The following FER1L6 variants were observed in gnomAD, a reference collection of about 807,000 sequenced individuals.
FER1L6 encodes the protein fer-1-like protein 6.
In FER1L6, 177 loss-of-function variants were observed where a neutral mutation model predicts 219.2. The ratio of observed to expected loss-of-function variants is 0.81; its 90% CI spans 0.71 to 0.91. The LOEUF (loss-of-function observed/expected upper bound fraction) is 0.91, where lower values mean the gene tolerates loss of function less well. Among genes scored for constraint, FER1L6 ranks in the 40% least tolerant of loss-of-function variants. The pLI is 0.00. For synonymous variants in FER1L6, 768 were observed against 824.3 expected (o/e 0.93, Z 1.17); for missense variants, 2,153 against 2,259.9 (o/e 0.95, Z 0.96).
intron 1 of FER1L6, among the ~76,000 whole-genome samples, chr8:123,918,240 T>C (rs1813246583): frequency 6.7e-6 from 1 of 149,584 alleles, no homozygotes; most frequent in Admixed American, 6.7e-5. Flanking sequence ...GCATGGGAGG[T>C]GGAGGTTGCA....
chr8:124,068,890 A>G (rs1473674239), intron 28 of FER1L6, among the ~76,000 whole-genome samples: 2 of 152,080 alleles, frequency 1.3e-5, no homozygotes, highest in African/African-American at 2.4e-5. Flanking sequence ...CCTACAGCAA[A>G]AAGTTACTAT....
intron 1 of FER1L6, among the ~76,000 whole-genome samples, chr8:123,918,325 A>T (rs1173282968): frequency 6.7e-6 from 1 of 149,114 alleles, no homozygotes; most frequent in Non-Finnish European, 1.5e-5. Flanking sequence ...AAAAAAAAAA[A>T]TTCAACAAAT....
chr8:124,080,608 G>A (rs983048324), intron 32 of FER1L6, among the ~76,000 whole-genome samples: 6 of 152,066 alleles, frequency 3.9e-5, no homozygotes, highest in East Asian at 1.9e-4. Context: ...GTGAGCCACC[G>A]CTCCCGGCCC....
At chr8:123,971,727 C>T (rs906593993) in intron 6 of FER1L6, among the ~76,000 whole-genome samples, 11 of 152,260 alleles carry the variant, frequency 7.2e-5, no homozygotes, top group South Asian at 2.1e-4. Context: ...AGAATATATA[C>T]GACATGGGAT....
At chr8:123,869,950 A>G (rs1464156630) in intron 1 of FER1L6, among the ~76,000 whole-genome samples, 1 of 152,248 alleles carries the variant, frequency 6.6e-6, no homozygotes, top group Non-Finnish European at 1.5e-5. Context: ...ATAGAGAAAG[A>G]AGACTTTTCA....
chr8:123,966,436 AC>A, intron 5 of FER1L6, 146 bp downstream of exon 5: 5 of 1,005,262 alleles, frequency 5.0e-6, no homozygotes, highest in Non-Finnish European at 7.3e-6. Context: ...GATTCTTCTT[AC>A]AAACACAGCC....
intron 11 of FER1L6, chr8:123,984,370 T>C (rs879719601): frequency 3.9e-5 from 6 of 152,216 alleles, no homozygotes; most frequent in Admixed American, 2.0e-4. Context: ...CTGGGCTACA[T>C]GGCCTACATT....
chr8:124,101,106 G>A lies in FER1L6; in HGVS notation c.4893G>A (p.Lys1631=), dbSNP rs1394640839. ...SSDIYVKGWL[K]GLEDDKQETD... ...TTGAATCTATTTTTAGGTGGTTAAA[G>A]GGCTTGGAGGATGACAAGCAGGAGA... The change falls in exon 38 of 41, where the codon AAG becomes AAA. Residue 1631 remains lysine, a synonymous_variant. Transcript: ENST00000522917. 6.2e-7 allele frequency: 1 copy of A among 1,613,460 alleles called. No individual in the cohort carries two copies. The highest frequency in any genetic ancestry group is 1.7e-5 in the Admixed American group (1 of 59,972).
chr8:124,097,186 G>T, intron 35 of FER1L6, 85 bp from the exon 36 acceptor site: 1 of 956,690 alleles, frequency 1.0e-6, no homozygotes, highest in Non-Finnish European at 1.6e-6. Context: ...CTACTAAAGG[G>T]ATCTTATAAA....
chr8:124,077,761 A>G (rs1821354966), intron 32 of FER1L6, among the ~76,000 whole-genome samples: 1 of 152,224 alleles, frequency 6.6e-6, no homozygotes, highest in Non-Finnish European at 1.5e-5. Context: ...CTGACATTGC[A>G]GCACCTCATC....
chr8:124,026,857 A>G (rs1157085061), intron 18 of FER1L6, among the ~76,000 whole-genome samples: 1 of 152,240 alleles, frequency 6.6e-6, no homozygotes, highest in Non-Finnish European at 1.5e-5. Context: ...GTAACAAAGT[A>G]GCATAAACTG....
chr8:124,035,204 C>A (rs927849170), intron 18 of FER1L6, 73 bp from the exon 19 acceptor site: 2 of 1,495,614 alleles, frequency 1.3e-6, no homozygotes, highest in Middle Eastern at 2.1e-4. Context: ...CAGGAAGGAC[C>A]TCTTTTCTCA....
In FER1L6 at chr8:123,916,647, C is replaced by G. The variant is rs183262995; in HGVS notation, c.-7-39345C>G. On this transcript the variant is annotated intron_variant, in intron 1 of 40. Transcript: ENST00000522917. ...CAAAATTTCTCATGTAGGTAGCAAC[C>G]CTTTTAGTGTTGTGGAGGTTTTTAG... is the stretch of plus-strand genomic sequence containing the variant. Among the ~76,000 whole-genome samples, 638 of 152,108 alleles carry G rather than the reference C, an allele frequency of 4.2e-3. 3 individuals carry two copies. Among genetic ancestry groups the G allele is most frequent in the Middle Eastern group, 0.01 (3 of 294 alleles).
intron 22 of FER1L6, among the ~76,000 whole-genome samples, chr8:124,051,503 T>C (rs1448068761): frequency 1.3e-5 from 2 of 152,218 alleles, no homozygotes; most frequent in East Asian, 3.8e-4. Context: ...ATGGGGATTA[T>C]AGTCAATCTA....
chr8:123,856,425 G>A (rs1388910432), intron 1 of FER1L6, among the ~76,000 whole-genome samples: 1 of 148,994 alleles, frequency 6.7e-6, no homozygotes, highest in African/African-American at 2.5e-5. Context: ...ATATCTTTCT[G>A]TGAGAGAAGG....
At chr8:123,939,215 G>T in intron 1 of FER1L6, 1 of 983,614 alleles carries the variant, frequency 1.0e-6, no homozygotes, top group Non-Finnish European at 1.2e-6. Flanking sequence ...AACACATCTT[G>T]TCCATTCAGT....
At chr8:124,080,999 T>C (rs546543701) in intron 32 of FER1L6, among the ~76,000 whole-genome samples, 38 of 152,338 alleles carry the variant, frequency 2.5e-4, no homozygotes, top group African/African-American at 9.1e-4. Flanking sequence ...TTTCTCTCTC[T>C]GAGGAGGGTT....
intron 33 of FER1L6, among the ~76,000 whole-genome samples, chr8:124,083,102 G>A (rs1282077110): frequency 6.6e-6 from 1 of 151,834 alleles, no homozygotes; most frequent in East Asian, 1.9e-4. Context: ...AATCACATCA[G>A]GGTAAATGGG....
At chr8:124,040,589 C>T (rs1339574588) in intron 20 of FER1L6, 1 of 153,156 alleles carries the variant, frequency 6.5e-6, no homozygotes, top group Non-Finnish European at 1.5e-5. Context: ...ATACCTGAAA[C>T]TGGGTAATTT....
Sources: gnomAD v4.1 joint callset for allele counts (sites outside exome capture counted in the v4.1 genomes callset) on GRCh38, gnomAD v4.1.1 for gene constraint, MANE v1.5 for transcripts, NCBI Gene and HGNC (gene_info 2026-07-23, HGNC 2026-07-21) for gene names.